The following DDX31 variants were observed in gnomAD, a reference collection of about 807,000 sequenced individuals.
DDX31 encodes ATP-dependent DNA helicase DDX31.
In DDX31, 70 loss-of-function variants were observed where a neutral mutation model predicts 91.3. The observed-to-expected ratio is 0.77, with a 90% CI of 0.63 to 0.94. The LOEUF (loss-of-function observed/expected upper bound fraction) is 0.94, where lower values mean the gene tolerates loss of function less well. DDX31 is among the 40% of genes least tolerant of loss of function. The pLI is 0.00. For synonymous variants in DDX31, 362 were observed against 350.6 expected (o/e 1.03, Z -0.36); for missense variants, 902 against 925.0 (o/e 0.98, Z 0.32).
intron 14 of DDX31, among the ~76,000 whole-genome samples, chr9:132,635,903 C>T (rs10435974): frequency 0.19 from 29,395 of 151,396 alleles, 3,618 homozygotes; most frequent in East Asian, 0.42. Flanking sequence ...AAGATTGCGC[C>T]GTTGCACTCC....
At chr9:132,610,017 G>A (rs140388688) in intron 19 of DDX31, among the ~76,000 whole-genome samples, 1 of 152,132 alleles carries the variant, frequency 6.6e-6, no homozygotes, top group African/African-American at 2.4e-5. Flanking sequence ...TCAGGCTTCT[G>A]ATGATGAGGC....
intron 14 of DDX31, among the ~76,000 whole-genome samples, chr9:132,641,110 G>A (rs571423054): frequency 6.6e-6 from 1 of 152,258 alleles, no homozygotes; most frequent in African/African-American, 2.4e-5. Context: ...AAGAAACCAT[G>A]CTGCACTCAT....
chr9:132,656,538 C>T (rs141257028), intron 6 of DDX31, among the ~76,000 whole-genome samples: 216 of 152,290 alleles, frequency 1.4e-3, no homozygotes, highest in African/African-American at 4.8e-3. Flanking sequence ...TGATCCCAGC[C>T]CTTGGAGACA....
At chr9:132,610,912 AG>A (rs1831292572) in intron 19 of DDX31, among the ~76,000 whole-genome samples, 3 of 152,210 alleles carry the variant, frequency 2.0e-5, no homozygotes, top group Non-Finnish European at 2.9e-5. Flanking sequence ...CCTGACTGCA[AG>A]ACCAATGGTC....
At chr9:132,628,814 G>A (rs1832552409) in intron 16 of DDX31, among the ~76,000 whole-genome samples, 1 of 152,258 alleles carries the variant, frequency 6.6e-6, no homozygotes, top group African/African-American at 2.4e-5. Context: ...CGACTGACAG[G>A]CTGTTATGGT....
At position 132,593,237 on chromosome 9, in the gene DDX31, C is replaced by T. The variant is rs924314963; in HGVS notation, c.*1629G>A. On this transcript the variant is annotated 3_prime_UTR_variant, in exon 20 of 20. Coordinates refer to ENST00000372159, the MANE Select transcript of DDX31 (RefSeq NM_022779.9). ...ATGATTCTAGCACTTCTCTTTCCCC[C>T]CAGGGATGCCGAACTCTGCCAATTC... The T allele has an allele frequency of 6.6e-6, 1 of 152,192 alleles. No individual in the cohort carries two copies. The highest frequency in any genetic ancestry group is 2.4e-5 in the African/African-American group (1 of 41,440). The allele number at this position is 152,192 out of a possible 1,614,324, so 9.4% of individuals were successfully genotyped here.
chr9:132,645,844 T>A, intron 13 of DDX31, 51 bp downstream of exon 13: 4 of 1,559,562 alleles, frequency 2.6e-6, no homozygotes, highest in Non-Finnish European at 3.5e-6. Context: ...TTCGCCCCCA[T>A]CTCCACGTGG....
At chr9:132,663,190 GC>G (rs112823435) in intron 1 of DDX31, 23 of 1,289,456 alleles carry the variant, frequency 1.8e-5, no homozygotes, top group African/African-American at 1.5e-4. Flanking sequence ...GCGCATCTCA[GC>G]CCGTGCCCAG....
intron 18 of DDX31, among the ~76,000 whole-genome samples, chr9:132,612,604 G>C (rs909662926): frequency 6.6e-6 from 1 of 152,178 alleles, no homozygotes. Flanking sequence ...TGAGTGAAAA[G>C]AGAGAATAGG....
At chr9:132,652,078 C>G (rs1834224200) in intron 7 of DDX31, among the ~76,000 whole-genome samples, 1 of 151,806 alleles carries the variant, frequency 6.6e-6, no homozygotes, top group African/African-American at 2.4e-5. Flanking sequence ...TTTTTGGTAG[C>G]AGTAGCTTCT....
intron 1 of DDX31, among the ~76,000 whole-genome samples, chr9:132,662,996 T>C (rs181255576): frequency 2.6e-5 from 4 of 152,300 alleles, no homozygotes; most frequent in Admixed American, 6.5e-5. Flanking sequence ...TTTTTCCAGT[T>C]GAATGTTAAC....
chr9:132,634,751 C>A (rs981120304), intron 14 of DDX31, among the ~76,000 whole-genome samples: 1 of 152,048 alleles, frequency 6.6e-6, no homozygotes, highest in Non-Finnish European at 1.5e-5. Context: ...AGTTCCGCCA[C>A]ACCCAGCTAA....
intron 19 of DDX31, among the ~76,000 whole-genome samples, chr9:132,596,720 G>A (rs941816702): frequency 6.6e-6 from 1 of 152,328 alleles, no homozygotes; most frequent in Non-Finnish European, 1.5e-5. Flanking sequence ...ACGATTTGCC[G>A]GGTCAGCGGG....
At chr9:132,638,150 T>A (rs1308126591) in intron 14 of DDX31, 1 of 1,385,378 alleles carries the variant, frequency 7.2e-7, no homozygotes, top group South Asian at 1.7e-5. Flanking sequence ...GCTGCAGGTA[T>A]CTTTCCTTTC....
chr9:132,635,455 CTTTTTTTTTT>C (rs981082655), intron 14 of DDX31, among the ~76,000 whole-genome samples: 2 of 104,682 alleles, frequency 1.9e-5, no homozygotes, highest in African/African-American at 3.4e-5. Context: ...ATGTACATAG[CTTTTTTTTTT>C]TTTTTTTTTT....
chr9:132,668,680 G>C (rs1304496620), intron 1 of DDX31, among the ~76,000 whole-genome samples: 2 of 151,448 alleles, frequency 1.3e-5, no homozygotes, highest in African/African-American at 2.4e-5. Flanking sequence ...CCATTCTCCT[G>C]CCTCAGCCTC....
rs551208166 is a variant in DDX31, at chr9:132,666,360, A to G, written c.75+3500T>C. ...AATTTTTGATAAGTTAAAAAAAAAA[A>G]AGAAAACATCATGTGTAGTGATTCC... On this transcript the variant is annotated intron_variant, in intron 1 of 19. Coordinates refer to ENST00000372159, the MANE Select transcript of DDX31 (RefSeq NM_022779.9). 1.1e-4 allele frequency among the ~76,000 whole-genome samples: 16 copies of G among 151,486 alleles called. No individual in the cohort carries two copies. In the East Asian group the frequency reaches 2.9e-3, roughly 27 times the overall value.
rs182133294 is a variant in DDX31 at position 132,652,966 on chromosome 9, G to A, written c.589-474C>T. Among the ~76,000 whole-genome samples, 124 of 152,206 alleles carry A rather than the reference G, an allele frequency of 8.1e-4. No individual in the cohort carries two copies. In the East Asian group the frequency reaches 0.022, roughly 27 times the overall value. On this transcript the variant is annotated intron_variant, in intron 6 of 19. Transcript: ENST00000372159. Reference sequence around the variant, plus strand: ...AGTCTCGGGTATGTTTTTATCAGCAGTGTAAAAATGGACTAACACACCCAC... The same window carrying A: ...AGTCTCGGGTATGTTTTTATCAGCAATGTAAAAATGGACTAACACACCCAC...
At chr9:132,666,767 C>A (rs1019819267) in intron 1 of DDX31, among the ~76,000 whole-genome samples, 7 of 150,400 alleles carry the variant, frequency 4.7e-5, no homozygotes, top group Non-Finnish European at 1.5e-5. Flanking sequence ...AGTGCAGTGG[C>A]GCAATCTCGG....
Sources: allele counts gnomAD v4.1 joint callset (sites outside exome capture counted in the v4.1 genomes callset), GRCh38; gene constraint gnomAD v4.1.1; transcripts MANE v1.5; gene names NCBI Gene and HGNC (gene_info 2026-07-23, HGNC 2026-07-21).